The following KANSL1 variants were observed in gnomAD, a reference collection of about 807,000 sequenced individuals.
The protein encoded by KANSL1 is KAT8 regulatory NSL complex subunit 1, also known as MLL1/MLL complex subunit KANSL1.
Under a neutral mutation model 103.6 loss-of-function variants are expected in KANSL1, and 22 were observed. That is an observed-to-expected ratio of 0.21 (90% CI 0.15 to 0.30). The LOEUF (loss-of-function observed/expected upper bound fraction) is 0.30. Among genes scored for constraint, KANSL1 ranks in the 10% least tolerant of loss-of-function variants. The pLI is 1.00. For missense variants in KANSL1, 1,337 were observed against 1,399.8 expected (o/e 0.96, Z 0.72); for synonymous variants, 600 against 527.6 (o/e 1.14, Z -1.88).
intron 2 of KANSL1, among the ~76,000 whole-genome samples, chr17:46,143,664 C>T (rs1173206996): frequency 6.7e-6 from 1 of 150,040 alleles, no homozygotes; most frequent in Admixed American, 6.6e-5. Context: ...ATTAGCCGGG[C>T]GTTGTGGCGG....
intron 1 of KANSL1, among the ~76,000 whole-genome samples, chr17:46,213,007 T>A (rs1331826915): frequency 6.6e-6 from 1 of 152,264 alleles, no homozygotes; most frequent in Non-Finnish European, 1.5e-5. Flanking sequence ...CAGCAAAACT[T>A]TTCTTTCTCT....
chr17:46,119,897 C>G (rs1273879149), intron 2 of KANSL1: 1 of 152,246 alleles, frequency 6.6e-6, no homozygotes, highest in African/African-American at 2.4e-5. Context: ...CCCAACGGTG[C>G]TCCTCACTCA....
intron 2 of KANSL1, among the ~76,000 whole-genome samples, chr17:46,127,636 A>T (rs2043638606): frequency 6.6e-6 from 1 of 152,102 alleles, no homozygotes; most frequent in Non-Finnish European, 1.5e-5. Flanking sequence ...AATACCAGGC[A>T]TGGTGGTGGC....
Position 46,066,710 on chromosome 17 carries a change from G to A in KANSL1, c.1675C>T (p.His559Tyr). 1 of 1,613,904 alleles carries A rather than the reference G, an allele frequency of 6.2e-7. No individual in the cohort carries two copies. Among genetic ancestry groups the A allele is most frequent in the South Asian group, 1.1e-5 (1 of 91,052 alleles). Reference sequence around the variant, plus strand: ...GCATCAGAGCTGTCACCTGGAATGTGGTCTGCCAAGACAGGCTGAAGACTA... The same window carrying A: ...GCATCAGAGCTGTCACCTGGAATGTAGTCTGCCAAGACAGGCTGAAGACTA... The part of the protein sequence containing the change: ...INTLQPVLAD[H>Y]IPGDSSDAEE... The change falls in exon 6 of 15, where the codon CAC (histidine) becomes TAC (tyrosine). Residue 559 changes from histidine (H) to tyrosine (Y), a missense_variant. His to Tyr is a moderately conservative substitution (Grantham distance 83, BLOSUM62 2). Around this residue, in one of 2 missense-constraint regions of KANSL1, gnomAD observed 780 missense variants for 923.4 expected, o/e 0.84. Transcript: ENST00000432791.
intron 2 of KANSL1, among the ~76,000 whole-genome samples, chr17:46,131,708 A>C (rs540771687): frequency 6.6e-6 from 1 of 152,352 alleles, no homozygotes; most frequent in South Asian, 2.1e-4. Context: ...GATAGCAATA[A>C]AACACATAAT....
intron 2 of KANSL1, among the ~76,000 whole-genome samples, chr17:46,149,914 C>T (rs2044987979): frequency 6.6e-6 from 1 of 151,638 alleles, no homozygotes; most frequent in South Asian, 2.1e-4. Flanking sequence ...CCCAGCTACT[C>T]GGGAGGCTGA....
At chr17:46,117,025 A>G (rs117685808) in intron 2 of KANSL1, among the ~76,000 whole-genome samples, 1,581 of 152,304 alleles carry the variant, frequency 0.01, 14 homozygotes, top group Non-Finnish European at 0.018. Context: ...TTATGAGGGA[A>G]TGTTTTTAAA....
chr17:46,214,655 C>CAAAA (rs35634348), intron 1 of KANSL1, among the ~76,000 whole-genome samples: 11 of 147,900 alleles, frequency 7.4e-5, no homozygotes, highest in Non-Finnish European at 1.3e-4. Flanking sequence ...AATTCCGTCT[C>CAAAA]AAAAAAAAAA....
At chr17:46,158,652 T>C (rs1344898973) in intron 2 of KANSL1, among the ~76,000 whole-genome samples, 6 of 152,244 alleles carry the variant, frequency 3.9e-5, no homozygotes, top group African/African-American at 1.4e-4. Flanking sequence ...GTGATTCTCC[T>C]GCCTCAGCGT....
At position 46,082,530 on chromosome 17, in the gene KANSL1, G is replaced by T; in HGVS notation, c.1444C>A (p.Leu482Ile). The T allele has an allele frequency of 6.2e-7, 1 of 1,606,352 alleles. No individual in the cohort carries two copies. ...QIRANKGLIVLGEVPPPEHTT... is the reference protein window; with the variant it reads ...QIRANKGLIVIGEVPPPEHTT... The stretch of plus-strand genomic sequence containing the variant: ...TGCTCTGGGGGAGGTACCTCCCCAA[G>T]AACTATCAACCCCTGCAGGATAGAG... The change falls in exon 4 of 15, where the codon CTT (leucine) becomes ATT (isoleucine). Residue 482 changes from leucine to isoleucine, a missense_variant. Around this residue, in one of 2 missense-constraint regions of KANSL1, gnomAD observed 780 missense variants for 923.4 expected, o/e 0.84. Transcript: ENST00000432791.
At chr17:46,043,058 G>A (rs2077381194) in intron 7 of KANSL1, 1 of 152,090 alleles carries the variant, frequency 6.6e-6, no homozygotes, top group African/African-American at 2.4e-5. Flanking sequence ...GCATTGTCTA[G>A]AAGCATTCGG....
chr17:46,110,707 C>T (rs977498823), intron 2 of KANSL1, among the ~76,000 whole-genome samples: 3 of 151,930 alleles, frequency 2.0e-5, no homozygotes, highest in Non-Finnish European at 4.4e-5. Context: ...CAAATATATG[C>T]TATTTAGAAA....
chr17:46,062,789 C>G (rs892078197), intron 6 of KANSL1, among the ~76,000 whole-genome samples: 8 of 152,034 alleles, frequency 5.3e-5, no homozygotes, highest in African/African-American at 1.9e-4. Context: ...GTGGCTCACG[C>G]CTGTAATCCC....
At chr17:46,189,031 CA>C (rs57566816) in intron 1 of KANSL1, among the ~76,000 whole-genome samples, 25 of 62,368 alleles carry the variant, frequency 4.0e-4, no homozygotes, top group East Asian at 1.4e-3. Flanking sequence ...AAGATTGTCT[CA>C]AAAAAAAAAA....
intron 2 of KANSL1, among the ~76,000 whole-genome samples, chr17:46,105,884 CACACACACAGAGCAAGGCCTTG>C (rs1180632548): frequency 7.7e-5 from 9 of 117,532 alleles, no homozygotes; most frequent in Non-Finnish European, 1.4e-4. Context: ...CACACACACA[CACACACACAGAGCAAGGCCTTG>C]ACACACACAC....
intron 2 of KANSL1, chr17:46,148,106 GAC>G (rs2044835186): frequency 6.6e-6 from 1 of 152,200 alleles, no homozygotes. Flanking sequence ...ACACAGTTTT[GAC>G]ACACACTAAA....
At chr17:46,174,501 G>T (rs2046428968) in intron 1 of KANSL1, among the ~76,000 whole-genome samples, 1 of 152,182 alleles carries the variant, frequency 6.6e-6, no homozygotes, top group South Asian at 2.1e-4. Context: ...TATTTTAAAA[G>T]CCATTTCTGA....
chr17:46,185,680 C>T (rs1045710439), intron 1 of KANSL1, among the ~76,000 whole-genome samples: 12 of 86,238 alleles, frequency 1.4e-4, no homozygotes, highest in Middle Eastern at 6.3e-3. Flanking sequence ...CATATATATA[C>T]ACACACATAT....
chr17:46,113,559 G>A (rs368646364), intron 2 of KANSL1, among the ~76,000 whole-genome samples: 8 of 152,030 alleles, frequency 5.3e-5, no homozygotes, highest in East Asian at 3.9e-4. Context: ...ACTGTTTATC[G>A]CACGGTAGAT....
Sources: gnomAD v4.1 joint callset for allele counts (sites outside exome capture counted in the v4.1 genomes callset) on GRCh38, gnomAD v4.1.1 for gene constraint, gnomAD v4.1.1 regional missense constraint, MANE v1.5 for transcripts, NCBI Gene and HGNC (gene_info 2026-07-23, HGNC 2026-07-21) for gene names.